Variants in ARB2A observed in about 807,000 individuals in gnomAD.
ARB2A encodes ARB2 cotranscriptional regulator A.
the ARB2A span, among the ~76,000 whole-genome samples, chr5:93,949,007 T>A: frequency 1.3e-5 from 2 of 152,050 alleles, no homozygotes; most frequent in Non-Finnish European, 2.9e-5. Flanking sequence ...GTCCCAAAGA[T>A]ATAGATCATG....
At chr5:93,958,815 T>C in the ARB2A span, 2 of 1,590,042 alleles carry the variant, frequency 1.3e-6, no homozygotes, top group East Asian at 2.2e-5. Flanking sequence ...TGTGTGCCAC[T>C]GTCCAGATCT....
chr5:93,628,729 T>C, the ARB2A span, among the ~76,000 whole-genome samples: 3 of 152,226 alleles, frequency 2.0e-5, no homozygotes, highest in African/African-American at 7.2e-5. Flanking sequence ...TTCCAACTTT[T>C]CTTCTGCAGC....
chr5:93,824,089 A>G, the ARB2A span: 1 of 1,385,166 alleles, frequency 7.2e-7, no homozygotes, highest in East Asian at 2.7e-5. Context: ...ACAGAAAGAA[A>G]GGAGAGGGGA....
At chr5:93,971,439 A>G in the ARB2A span, among the ~76,000 whole-genome samples, 5 of 151,852 alleles carry the variant, frequency 3.3e-5, no homozygotes, top group East Asian at 9.9e-4. Flanking sequence ...TGGTGGTGCA[A>G]GCCTGTAATC....
chr5:93,851,014 C>G, the ARB2A span, among the ~76,000 whole-genome samples: 1 of 151,716 alleles, frequency 6.6e-6, no homozygotes, highest in South Asian at 2.1e-4. Context: ...TTTTTTTCCC[C>G]TCTGAGAGTG....
At chr5:93,772,560 A>G in the ARB2A span, among the ~76,000 whole-genome samples, 24 of 152,238 alleles carry the variant, frequency 1.6e-4, no homozygotes, top group Non-Finnish European at 8.8e-5. Flanking sequence ...GCTTAAAACA[A>G]TATACATTTA....
At chr5:93,710,304 G>T in the ARB2A span, among the ~76,000 whole-genome samples, 64 of 152,304 alleles carry the variant, frequency 4.2e-4, no homozygotes, top group African/African-American at 1.3e-3. Context: ...AATAAATATT[G>T]AGACTTTTAA....
At chr5:93,691,026 C>T in the ARB2A span, among the ~76,000 whole-genome samples, 2 of 152,046 alleles carry the variant, frequency 1.3e-5, no homozygotes, top group African/African-American at 4.8e-5. Context: ...TGAAGGTCAC[C>T]AACATCAAAG....
chr5:93,783,169 A>C, the ARB2A span, among the ~76,000 whole-genome samples: 1 of 152,164 alleles, frequency 6.6e-6, no homozygotes, highest in African/African-American at 2.4e-5. Context: ...ATCAAATTCC[A>C]TACTAGTTAT....
At chr5:94,031,652 T>A in the ARB2A span, among the ~76,000 whole-genome samples, 6 of 152,122 alleles carry the variant, frequency 3.9e-5, no homozygotes, top group African/African-American at 1.4e-4. Context: ...GCTAAAAGAA[T>A]TAATATGGAT....
chr5:93,905,468 G>C, the ARB2A span, among the ~76,000 whole-genome samples: 1 of 151,480 alleles, frequency 6.6e-6, no homozygotes, highest in Admixed American at 6.6e-5. Context: ...TAAGAATAAA[G>C]TAACTTTTTC....
the ARB2A span, among the ~76,000 whole-genome samples, chr5:94,085,731 T>G: frequency 1.3e-5 from 2 of 152,154 alleles, no homozygotes; most frequent in Admixed American, 6.6e-5. Context: ...GAAAAAAAAC[T>G]GTTCTCCAAT....
chr5:94,071,505 C>G, the ARB2A span, among the ~76,000 whole-genome samples: 7 of 151,928 alleles, frequency 4.6e-5, no homozygotes, highest in Non-Finnish European at 1.0e-4. Context: ...CCAATAGAGA[C>G]TTGTATCTAG....
the ARB2A span, among the ~76,000 whole-genome samples, chr5:93,723,344 G>T: frequency 6.6e-6 from 1 of 152,088 alleles, no homozygotes; most frequent in Non-Finnish European, 1.5e-5. Context: ...CAGCTTAACT[G>T]GTATTGTTGG....
the ARB2A span, chr5:94,053,102 T>A: frequency 7.6e-7 from 1 of 1,309,744 alleles, no homozygotes; most frequent in Non-Finnish European, 1.1e-6. Context: ...GATAGATAGA[T>A]AGATAGATAG....
chr5:94,103,855 T>A, the ARB2A span, among the ~76,000 whole-genome samples: 1 of 147,266 alleles, frequency 6.8e-6, no homozygotes, highest in Admixed American at 6.7e-5. Context: ...CAAGAATAGA[T>A]CTCTCAAAAT....
At chr5:93,679,377 G>C in the ARB2A span, among the ~76,000 whole-genome samples, 1 of 151,854 alleles carries the variant, frequency 6.6e-6, no homozygotes, top group African/African-American at 2.4e-5. Flanking sequence ...CGTCGAAAAT[G>C]TCCAGGTCTC....
the ARB2A span, among the ~76,000 whole-genome samples, chr5:93,911,628 CCACA>C: frequency 3.9e-3 from 576 of 148,756 alleles, 5 homozygotes; most frequent in Non-Finnish European, 5.7e-3. Context: ...GCATTAGTCA[CCACA>C]CACACACACA....
chr5:93,893,825 A>G, the ARB2A span, among the ~76,000 whole-genome samples: 2 of 152,312 alleles, frequency 1.3e-5, no homozygotes, highest in Admixed American at 1.3e-4. Context: ...TAAACCAGAA[A>G]ATCACAAAAA....
Sources: gnomAD v4.1 joint callset for allele counts (sites outside exome capture counted in the v4.1 genomes callset) on GRCh38, gnomAD v4.1.1 for gene constraint, MANE v1.5 for transcripts, NCBI Gene and HGNC (gene_info 2026-07-23, HGNC 2026-07-21) for gene names.